KDSR: variants seen among roughly 807,000 people sequenced by gnomAD.
KDSR encodes the protein 3-dehydrosphinganine reductase.
In KDSR, 23 loss-of-function variants were observed where a neutral mutation model predicts 41.3. That is an observed-to-expected ratio of 0.56 (90% CI 0.40 to 0.79). The LOEUF (loss-of-function observed/expected upper bound fraction) is 0.79. Among genes scored for constraint, KDSR ranks in the 30% least tolerant of loss-of-function variants. The pLI is 0.00. For missense variants in KDSR, 351 were observed against 416.8 expected (o/e 0.84, Z 1.37); for synonymous variants, 138 against 151.7 (o/e 0.91, Z 0.66).
At chr18:63,332,156 G>T (rs1327130970) in intron 9 of KDSR, among the ~76,000 whole-genome samples, 1 of 152,108 alleles carries the variant, frequency 6.6e-6, no homozygotes, top group Non-Finnish European at 1.5e-5. Flanking sequence ...AATATATATT[G>T]CTTGCAGTCT....
intron 7 of KDSR, among the ~76,000 whole-genome samples, chr18:63,339,317 G>A (rs1362967518): frequency 6.6e-6 from 1 of 152,212 alleles, no homozygotes; most frequent in Non-Finnish European, 1.5e-5. Context: ...ATATTCCCAG[G>A]TCAGCAGAGG....
chr18:63,358,468 T>C (rs1914865972), intron 3 of KDSR, among the ~76,000 whole-genome samples: 2 of 152,130 alleles, frequency 1.3e-5, no homozygotes, highest in African/African-American at 4.8e-5. Context: ...ATATAAATTA[T>C]ATCTCATAAA....
intron 2 of KDSR, among the ~76,000 whole-genome samples, chr18:63,360,191 G>C (rs1914920903): frequency 6.7e-6 from 1 of 149,148 alleles, no homozygotes; most frequent in Non-Finnish European, 1.5e-5. Context: ...GTGACTCCCT[G>C]TCAATACTGC....
chr18:63,352,197 A>G (rs983520562), intron 5 of KDSR, among the ~76,000 whole-genome samples: 4 of 152,248 alleles, frequency 2.6e-5, no homozygotes, highest in Non-Finnish European at 4.4e-5. Flanking sequence ...AATAAAAACT[A>G]AATACCTCAA....
In KDSR at chr18:63,331,326, CAGAG is replaced by C. The variant is rs138869280; in HGVS notation, c.*452_*455del. 21 of 92,368 alleles carry C rather than the reference CAGAG, an allele frequency of 2.3e-4. No individual in the cohort carries two copies. Among genetic ancestry groups the C allele is most frequent in the Middle Eastern group, 3.5e-3 (1 of 286 alleles). 5.7% of individuals were successfully genotyped at this position (92,368 alleles called of 1,614,324 possible). On this transcript the variant is annotated 3_prime_UTR_variant, in exon 10 of 10. Transcript: ENST00000645214. Reference sequence around the variant, plus strand: ...ACAGAGAGACAGAGAGACAGAGAGACAGAGAGAGAGAGAGAGAGAACCCGAGAAA... The same window carrying C: ...ACAGAGAGACAGAGAGACAGAGAGACAGAGAGAGAGAGAGAACCCGAGAAA...
intron 7 of KDSR, among the ~76,000 whole-genome samples, chr18:63,341,093 A>C (rs146759320): frequency 2.2e-3 from 339 of 151,858 alleles, no homozygotes; most frequent in African/African-American, 7.9e-3. Context: ...AGAGATTTAC[A>C]ATTGGCATTT....
rs112436624 is a variant in KDSR at position 63,344,353 on chromosome 18, A to G, written c.693+57T>C. ...CGAGTGTGAGCTGAAGAGTAGAAAG[A>G]AAATCAGAAAAGCAGTAAACATTAG... is the stretch of plus-strand genomic sequence containing the variant. On this transcript the variant is annotated intron_variant, in intron 7 of 9. Coordinates refer to ENST00000645214, the MANE Select transcript of KDSR (RefSeq NM_002035.4). 164 of 1,222,092 alleles carry G rather than the reference A, an allele frequency of 1.3e-4. 1 individual carries two copies. The African/African-American group carries it at 2.3e-3, about 17-fold the overall frequency. 75.7% of individuals were successfully genotyped at this position (1,222,092 alleles called of 1,614,324 possible).
Position 63,330,809 on chromosome 18 carries a change from CTTT to C in KDSR, c.*970_*972del, listed in dbSNP as rs774806589. The C allele has an allele frequency of 6.2e-4, 123 of 198,022 alleles. No homozygotes were observed. The highest frequency in any genetic ancestry group is 8.1e-4 in the Non-Finnish European group (81 of 100,618). The allele number at this position is 198,022 out of a possible 1,614,324, so 12.3% of individuals were successfully genotyped here. A position where few individuals can be genotyped will look rare whatever the true frequency, so the allele number is the denominator to read the frequency against. ...AAAATTTTAGCTGGTCTTTTTTTTC[CTTT>C]TTTTTTTTTTTTACAAAAATATTAC... On this transcript the variant is annotated 3_prime_UTR_variant, in exon 10 of 10. Coordinates refer to ENST00000645214, the MANE Select transcript of KDSR (RefSeq NM_002035.4).
intron 6 of KDSR, chr18:63,346,087 C>T (rs2144360499): frequency 6.6e-6 from 1 of 152,034 alleles, no homozygotes; most frequent in Admixed American, 6.6e-5. Flanking sequence ...AGGAGAAGCA[C>T]GCACAGGCCT....
chr18:63,335,465 T>C (rs1599321891), intron 8 of KDSR, 107 bp from the exon 9 acceptor site: 3 of 755,652 alleles, frequency 4.0e-6, no homozygotes, highest in Non-Finnish European at 6.7e-6. Context: ...TTAAGTGAGA[T>C]AAAATGGTCA....
In KDSR at chr18:63,348,823, T is replaced by C. The variant is rs1362998036; in HGVS notation, c.609+2065A>G. On this transcript the variant is annotated intron_variant, in intron 6 of 9. Coordinates refer to ENST00000645214, the MANE Select transcript of KDSR (RefSeq NM_002035.4). Reference sequence around the variant, plus strand: ...TCTGCAAAAAGCCCTAATGGGCAGATTCTTCATCCCGCAACCACCCCTTCA... The same window carrying C: ...TCTGCAAAAAGCCCTAATGGGCAGACTCTTCATCCCGCAACCACCCCTTCA... Among the ~76,000 whole-genome samples the C allele has an allele frequency of 7.0e-4, 106 of 152,316 alleles. 1 individual carries two copies. The highest frequency in any genetic ancestry group is 5.8e-4 in the East Asian group (3 of 5,178).
At chr18:63,335,560 G>T in intron 8 of KDSR, 1 of 531,306 alleles carries the variant, frequency 1.9e-6, no homozygotes, top group Non-Finnish European at 3.4e-6. Context: ...ACCCCTGCGG[G>T]CCCCCAAGGA....
intron 2 of KDSR, 23 bp from the exon 3 acceptor site, chr18:63,359,815 A>C: frequency 6.4e-7 from 1 of 1,559,018 alleles, no homozygotes; most frequent in Non-Finnish European, 8.8e-7. Flanking sequence ...CAGAATAATT[A>C]GTCGTGATGA....
intron 7 of KDSR, among the ~76,000 whole-genome samples, chr18:63,339,800 TA>T (rs1338476648): frequency 6.6e-6 from 1 of 152,210 alleles, no homozygotes; most frequent in Non-Finnish European, 1.5e-5. Flanking sequence ...TAGTTTCAAT[TA>T]GAAGTGTCAA....
chr18:63,331,298 G>T lies in KDSR; in HGVS notation c.*484C>A, dbSNP rs1913985029. 4.5e-6 allele frequency: 1 copy of T among 221,006 alleles called. No individual in the cohort carries two copies. The allele number at this position is 221,006 out of a possible 1,614,324, so 13.7% of individuals were successfully genotyped here. A position where few individuals can be genotyped will look rare whatever the true frequency, so the allele number is the denominator to read the frequency against. On this transcript the variant is annotated 3_prime_UTR_variant, in exon 10 of 10. Coordinates refer to ENST00000645214, the MANE Select transcript of KDSR (RefSeq NM_002035.4). ...AGAGAGAGAGAGACAGAGAGACAGAGAGACAGAGAGACAGAGAGACAGAGA... is the reference window on the plus strand; with the variant it reads ...AGAGAGAGAGAGACAGAGAGACAGATAGACAGAGAGACAGAGAGACAGAGA...
chr18:63,332,737 CAGG>C (rs1206268442), intron 9 of KDSR, among the ~76,000 whole-genome samples: 1 of 145,672 alleles, frequency 6.9e-6, no homozygotes, highest in Non-Finnish European at 1.5e-5. Context: ...GAGGCTGAGG[CAGG>C]AGAATGGTGT....
At chr18:63,342,233 CA>C (rs1399087866) in intron 7 of KDSR, among the ~76,000 whole-genome samples, 2 of 145,348 alleles carry the variant, frequency 1.4e-5, no homozygotes, top group African/African-American at 5.1e-5. Context: ...GTTTCTAAAA[CA>C]ATATTACCTC....
chr18:63,353,405 A>G (rs1240893009), intron 5 of KDSR, among the ~76,000 whole-genome samples: 1 of 152,200 alleles, frequency 6.6e-6, no homozygotes, highest in East Asian at 1.9e-4. Flanking sequence ...AGCAGACCAC[A>G]AAAAACTAAA....
At chr18:63,366,945 C>G in intron 1 of KDSR, 66 bp downstream of exon 1, 1 of 846,432 alleles carries the variant, frequency 1.2e-6, no homozygotes, top group Non-Finnish European at 1.6e-6. Flanking sequence ...GTAGGCTACG[C>G]GGCCTCGGCG....
Sources: allele counts gnomAD v4.1 joint callset (sites outside exome capture counted in the v4.1 genomes callset), GRCh38; gene constraint gnomAD v4.1.1; transcripts MANE v1.5; gene names NCBI Gene and HGNC (gene_info 2026-07-23, HGNC 2026-07-21).